The following KCNQ1 variants were observed in gnomAD, a reference collection of about 807,000 sequenced individuals.
KCNQ1 encodes the protein potassium voltage-gated channel subfamily KQT member 1.
Under a neutral mutation model 72.4 loss-of-function variants are expected in KCNQ1, and 49 were observed. The observed-to-expected ratio is 0.68, with a 90% CI of 0.54 to 0.86. The LOEUF (loss-of-function observed/expected upper bound fraction) is 0.86, where lower values mean the gene tolerates loss of function less well. Ranked by LOEUF, KCNQ1 falls within the 40% of genes least tolerant of loss-of-function variation. The pLI is 0.00. For missense variants in KCNQ1, 790 were observed against 945.1 expected (o/e 0.84, Z 2.15); for synonymous variants, 450 against 412.6 (o/e 1.09, Z -1.10).
intron 2 of KCNQ1, among the ~76,000 whole-genome samples, chr11:2,548,485 T>C (rs998985265): frequency 6.6e-6 from 1 of 152,190 alleles, no homozygotes; most frequent in East Asian, 1.9e-4. Context: ...TCCATAGCAG[T>C]TTATATTCCC....
rs1022436333 is a variant in KCNQ1, at chr11:2,830,665, C to T, written c.1795-17102C>T. Among the ~76,000 whole-genome samples, 5 of 152,148 alleles carry T rather than the reference C, an allele frequency of 3.3e-5. No homozygotes were observed. The highest frequency in any genetic ancestry group is 1.9e-4 in the East Asian group (1 of 5,168). ...TCCTTCCTGGGTGGAGACCTTCCCA[C>T]CCTTCCACTCACCTTCCGAGCATTG... is the stretch of plus-strand genomic sequence containing the variant. On this transcript the variant is annotated intron_variant, in intron 15 of 15. Coordinates refer to ENST00000155840, the MANE Select transcript of KCNQ1 (RefSeq NM_000218.3). The surrounding 1 kb of genome is among the most constrained non-coding windows in gnomAD (Gnocchi z 7.7).
At chr11:2,584,522 TTA>T (rs1848559383) in intron 7 of KCNQ1, among the ~76,000 whole-genome samples, 1 of 144,628 alleles carries the variant, frequency 6.9e-6, no homozygotes, top group Non-Finnish European at 1.5e-5. Context: ...TGTTTGTGTG[TTA>T]GTGTGTGTGT....
chr11:2,476,005 C>T (rs1442864779), intron 1 of KCNQ1, among the ~76,000 whole-genome samples: 1 of 152,034 alleles, frequency 6.6e-6, no homozygotes, highest in Admixed American at 6.6e-5. Flanking sequence ...CTAATACTGA[C>T]AATAAATTAA....
intron 11 of KCNQ1, chr11:2,684,149 A>G: frequency 2.5e-6 from 1 of 398,662 alleles, no homozygotes; most frequent in Non-Finnish European, 4.4e-6. Context: ...AGAATGGGGT[A>G]CACCAGAGGA....
chr11:2,802,728 G>A (rs943669641), intron 15 of KCNQ1, among the ~76,000 whole-genome samples: 1 of 152,184 alleles, frequency 6.6e-6, no homozygotes, highest in Non-Finnish European at 1.5e-5. Context: ...GGAGGCGTTT[G>A]CAGGGCGGGG....
intron 1 of KCNQ1, among the ~76,000 whole-genome samples, chr11:2,469,907 G>A (rs1329375860): frequency 1.3e-5 from 2 of 152,034 alleles, no homozygotes; most frequent in Non-Finnish European, 2.9e-5. Context: ...TGATCCGCCC[G>A]CCTCAGCCTC....
In KCNQ1 at chr11:2,516,154, C is replaced by T. The variant is rs1847285616; in HGVS notation, c.387-11774C>T. Among the ~76,000 whole-genome samples the T allele has an allele frequency of 6.6e-6, 1 of 152,044 alleles. No homozygotes were observed. The highest frequency in any genetic ancestry group is 1.5e-5 in the Non-Finnish European group (1 of 68,018). On this transcript the variant is annotated intron_variant, in intron 1 of 15. Coordinates refer to ENST00000155840, the MANE Select transcript of KCNQ1 (RefSeq NM_000218.3). This position sits in a 1 kb window ranked among gnomAD's most constrained non-coding sequence, Gnocchi z 7.0. ...GGGGTGCTTCGAGGTGCTGTGGGGACCTGTGATGCTGTCAGGGAGACCCGG... is the reference window on the plus strand; with the variant it reads ...GGGGTGCTTCGAGGTGCTGTGGGGATCTGTGATGCTGTCAGGGAGACCCGG...
At position 2,567,338 on chromosome 11, in the gene KCNQ1, GA is replaced by G. The variant is rs1053555073; in HGVS notation, c.478-3288del. Among the ~76,000 whole-genome samples, 14 of 152,270 alleles carry G rather than the reference GA, an allele frequency of 9.2e-5. No homozygotes were observed. The highest frequency in any genetic ancestry group is 3.4e-4 in the African/African-American group (14 of 41,552). On this transcript the variant is annotated intron_variant, in intron 2 of 15. Coordinates refer to ENST00000155840, the MANE Select transcript of KCNQ1 (RefSeq NM_000218.3). The surrounding 1 kb of genome is among the most constrained non-coding windows in gnomAD (Gnocchi z 6.6). ...CACCCACCTGGGGTCTGGACTGCTG[GA>G]ACCAGGGGGAGGCAGGCCTGCCATT...
intron 1 of KCNQ1, among the ~76,000 whole-genome samples, chr11:2,506,385 C>T (rs1420605630): frequency 6.6e-6 from 1 of 152,146 alleles, no homozygotes; most frequent in Non-Finnish European, 1.5e-5. Context: ...TGGGGTCCTT[C>T]CATATTCTTT....
chr11:2,583,135 C>T (rs572432871), intron 6 of KCNQ1, among the ~76,000 whole-genome samples: 123 of 152,182 alleles, frequency 8.1e-4, no homozygotes, highest in African/African-American at 2.8e-3. Flanking sequence ...ATGAGGCAGC[C>T]GGTGTGGGGC....
chr11:2,455,238 C>T (rs1406886422), intron 1 of KCNQ1, among the ~76,000 whole-genome samples: 1 of 152,108 alleles, frequency 6.6e-6, no homozygotes, highest in Non-Finnish European at 1.5e-5. Context: ...GCTGGGACAA[C>T]AGGCGTCTGC....
At chr11:2,499,913 G>A (rs761584799) in intron 1 of KCNQ1, among the ~76,000 whole-genome samples, 2 of 152,208 alleles carry the variant, frequency 1.3e-5, no homozygotes, top group Admixed American at 6.5e-5. Flanking sequence ...TAGACCATAT[G>A]TTAGATCACA....
At position 2,678,619 on chromosome 11, in the gene KCNQ1, C is replaced by T; in HGVS notation, c.1514+16538C>T. On this transcript the variant is annotated intron_variant, in intron 11 of 15. Transcript: ENST00000155840. The surrounding 1 kb of genome is among the most constrained non-coding windows in gnomAD (Gnocchi z 4.9). ...GCAGGACTCCCCCTCATCTCCATTA[C>T]TTAAGAGCCAATAATGGGAAGCTCA... The T allele has an allele frequency of 2.5e-6, 1 of 398,306 alleles. No individual in the cohort carries two copies. The highest frequency in any genetic ancestry group is 4.4e-6 in the Non-Finnish European group (1 of 226,044). 24.7% of individuals were successfully genotyped at this position (398,306 alleles called of 1,614,324 possible). A position where few individuals can be genotyped will look rare whatever the true frequency, so the allele number is the denominator to read the frequency against.
chr11:2,671,121 G>A lies in KCNQ1; in HGVS notation c.1514+9040G>A, dbSNP rs1850176311. 2.5e-6 allele frequency: 1 copy of A among 398,392 alleles called. No homozygotes were observed. The highest frequency in any genetic ancestry group is 2.1e-5 in the African/African-American group (1 of 48,584). The allele number at this position is 398,392 out of a possible 1,614,324, so 24.7% of individuals were successfully genotyped here. ...GTTAGTCTGAGCAGTTAGTCTGTCA[G>A]GCCTGGTTGGTCCCATGGGAGGCCT... On this transcript the variant is annotated intron_variant, in intron 11 of 15. Coordinates refer to ENST00000155840, the MANE Select transcript of KCNQ1 (RefSeq NM_000218.3). This position sits in a 1 kb window ranked among gnomAD's most constrained non-coding sequence, Gnocchi z 4.7.
rs1195197068 is a variant in KCNQ1 at position 2,830,345 on chromosome 11, G to A, written c.1795-17422G>A. On this transcript the variant is annotated intron_variant, in intron 15 of 15. Transcript: ENST00000155840. This position sits in a 1 kb window ranked among gnomAD's most constrained non-coding sequence, Gnocchi z 7.7. ...GACAGAGGGATCTGGGCTCTTCCCT[G>A]GGCAGGCATCCCAGAGCTATGACCT... is the stretch of plus-strand genomic sequence containing the variant. Among the ~76,000 whole-genome samples, 2 of 152,058 alleles carry A rather than the reference G, an allele frequency of 1.3e-5. No homozygotes were observed. Among genetic ancestry groups the A allele is most frequent in the East Asian group, 1.9e-4 (1 of 5,174 alleles).
At position 2,627,461 on chromosome 11, in the gene KCNQ1, A is replaced by G. The variant is rs1482445769; in HGVS notation, c.1394-34500A>G. 4 of 397,842 alleles carry G rather than the reference A, an allele frequency of 1.0e-5. No individual in the cohort carries two copies. The highest frequency in any genetic ancestry group is 4.1e-5 in the African/African-American group (2 of 48,392). The allele number at this position is 397,842 out of a possible 1,614,324, so 24.6% of individuals were successfully genotyped here. A position where few individuals can be genotyped will look rare whatever the true frequency, so the allele number is the denominator to read the frequency against. On this transcript the variant is annotated intron_variant, in intron 10 of 15. Transcript: ENST00000155840. This position sits in a 1 kb window ranked among gnomAD's most constrained non-coding sequence, Gnocchi z 4.9. The stretch of plus-strand genomic sequence containing the variant: ...CCCTTCAACATTTCCTATTTCCCCT[A>G]CTCCCTGACCCCTAGTAACCACCCT...
chr11:2,607,483 A>T (rs549437984), intron 10 of KCNQ1, among the ~76,000 whole-genome samples: 1 of 152,328 alleles, frequency 6.6e-6, no homozygotes, highest in South Asian at 2.1e-4. Flanking sequence ...GGAATGGATT[A>T]GTGCCCTTGT....
intron 11 of KCNQ1, among the ~76,000 whole-genome samples, chr11:2,751,174 C>T (rs1203235683): frequency 1.3e-5 from 2 of 152,164 alleles, no homozygotes; most frequent in South Asian, 2.1e-4. Flanking sequence ...TGCCGGGCTC[C>T]GCTCGTCCCT....
chr11:2,465,835 C>T (rs938442111), intron 1 of KCNQ1, among the ~76,000 whole-genome samples: 8 of 152,182 alleles, frequency 5.3e-5, no homozygotes, highest in Non-Finnish European at 1.2e-4. Flanking sequence ...TTGGTGGGCT[C>T]CAGCCATGCC....
Sources: gnomAD v4.1 joint callset for allele counts (sites outside exome capture counted in the v4.1 genomes callset) on GRCh38, gnomAD v4.1.1 for gene constraint, Gnocchi (gnomAD v3.1) non-coding constraint, MANE v1.5 for transcripts, NCBI Gene and HGNC (gene_info 2026-07-23, HGNC 2026-07-21) for gene names.